Variants in MYBPC1 observed in about 807,000 individuals in gnomAD.
MYBPC1 encodes myosin binding protein C1, also known as myosin-binding protein C, slow-type.
MYBPC1 carries 52 observed loss-of-function variants against 147.1 expected under a neutral mutation model. The ratio of observed to expected loss-of-function variants is 0.35; its 90% CI spans 0.28 to 0.45. The LOEUF is 0.45. Among genes scored for constraint, MYBPC1 ranks in the 20% least tolerant of loss-of-function variants. The pLI, the probability that MYBPC1 is intolerant of heterozygous loss-of-function variation, is 1.00. For missense variants in MYBPC1, 1,228 were observed against 1,440.3 expected (o/e 0.85, Z 2.39); for synonymous variants, 477 against 475.9 (o/e 1.00, Z -0.03).
At chr12:101,618,174 C>T (rs1048831029) in intron 3 of MYBPC1, among the ~76,000 whole-genome samples, 1 of 152,174 alleles carries the variant, frequency 6.6e-6, no homozygotes, top group East Asian at 1.9e-4. Context: ...TATCTAATTT[C>T]TATGATATTC....
rs376605391 is a variant in MYBPC1 at position 101,651,139 on chromosome 12, T to C, written c.1364-92T>C. On this transcript the variant is annotated intron_variant, in intron 15 of 31. Coordinates refer to ENST00000361466, the MANE Select transcript of MYBPC1 (RefSeq NM_002465.4). ...CTTCTCACTTTCAAAACAAACATTG[T>C]AGTAGAGCTCACTATACCATTGTGA... 462 of 1,333,762 alleles carry C rather than the reference T, an allele frequency of 3.5e-4. 5 individuals are homozygous for C. The South Asian group carries it at 5.2e-3, about 15-fold the overall frequency. 82.6% of individuals were successfully genotyped at this position (1,333,762 alleles called of 1,614,324 possible).
At chr12:101,646,660 G>T in intron 12 of MYBPC1, 103 bp from the exon 13 acceptor site, 1 of 1,339,968 alleles carries the variant, frequency 7.5e-7, no homozygotes, top group South Asian at 1.2e-5. Context: ...ACAGATCCTT[G>T]ACTTTCAAAC....
At chr12:101,652,814 T>C in intron 17 of MYBPC1, 30 bp downstream of exon 17, 1 of 1,534,344 alleles carries the variant, frequency 6.5e-7, no homozygotes. Flanking sequence ...CATTGCATAG[T>C]TGTGTTCTTT....
At chr12:101,660,919 C>T (rs1896440115) in intron 19 of MYBPC1, among the ~76,000 whole-genome samples, 1 of 152,142 alleles carries the variant, frequency 6.6e-6, no homozygotes, top group Non-Finnish European at 1.5e-5. Context: ...CCCTGTGATT[C>T]AATTCTCTCC....
At chr12:101,682,749 T>C (rs1951097516) in intron 30 of MYBPC1, 87 bp downstream of exon 30, 1 of 1,293,650 alleles carries the variant, frequency 7.7e-7, no homozygotes, top group Non-Finnish European at 1.1e-6. Flanking sequence ...AAAGCTTGAC[T>C]TTCTCATTTG....
At chr12:101,629,388 A>G in intron 5 of MYBPC1, 46 bp from the exon 6 acceptor site, 1 of 1,323,508 alleles carries the variant, frequency 7.6e-7, no homozygotes, top group Non-Finnish European at 1.1e-6. Context: ...CTGCCTAAGA[A>G]GAGCCTGGCC....
At chr12:101,635,199 C>A (rs567849535) in intron 9 of MYBPC1, among the ~76,000 whole-genome samples, 107 of 152,202 alleles carry the variant, frequency 7.0e-4, no homozygotes, top group African/African-American at 2.4e-3. Context: ...GGGGGGCGGT[C>A]AAGGAAGAAA....
chr12:101,603,801 G>A (rs1327467996), intron 1 of MYBPC1, among the ~76,000 whole-genome samples: 1 of 152,150 alleles, frequency 6.6e-6, no homozygotes, highest in East Asian at 1.9e-4. Context: ...TCTGGATGTG[G>A]TGGTGTACAC....
rs1307538069 is a variant in MYBPC1, at chr12:101,631,516, G to T, written c.290-55G>T. 10 of 1,598,490 alleles carry T rather than the reference G, an allele frequency of 6.3e-6. No homozygotes were observed. The East Asian group carries it at 2.2e-4, about 36-fold the overall frequency. On this transcript the variant is annotated intron_variant, in intron 6 of 31. Transcript: ENST00000361466. ...CCATGTCAACTCCTTCCAGTTGAAA[G>T]CAAAACAAATGACGCTTGTTAAAGA...
rs373809521 is a variant in MYBPC1, at chr12:101,648,094, T to A, written c.1140T>A (p.Cys380Ter). ...TKQLEDTTAYCGERVELECEV... is the reference protein window; with the variant it reads ...TKQLEDTTAY ...AGCTGGAAGATACAACTGCTTATTG[T>A]GGGGAGAGAGTGGAATTAGAATGTG... Residue 380 changes from cysteine (C) to a stop codon, truncating the protein, a stop_gained, in exon 14 of 32, where the codon TGT (cysteine) becomes TGA (stop). Transcript: ENST00000361466. LOFTEE classifies it high-confidence loss of function. 10 of 1,613,150 alleles carry A rather than the reference T, an allele frequency of 6.2e-6. No individual in the cohort carries two copies. Among genetic ancestry groups the A allele is most frequent in the Non-Finnish European group, 8.5e-6 (10 of 1,179,388 alleles).
At chr12:101,611,176 C>T (rs1593654472) in intron 1 of MYBPC1, among the ~76,000 whole-genome samples, 1 of 152,330 alleles carries the variant, frequency 6.6e-6, no homozygotes, top group African/African-American at 2.4e-5. Flanking sequence ...TCCCTGCAAC[C>T]ATCCCACAAC....
At chr12:101,603,719 A>G (rs1881061255) in intron 1 of MYBPC1, among the ~76,000 whole-genome samples, 1 of 152,228 alleles carries the variant, frequency 6.6e-6, no homozygotes, top group Admixed American at 6.5e-5. Flanking sequence ...AGGCCAGAGA[A>G]TTGCTTAAGC....
intron 1 of MYBPC1, among the ~76,000 whole-genome samples, chr12:101,608,686 G>A (rs1273992698): frequency 6.6e-6 from 1 of 152,232 alleles, no homozygotes; most frequent in Non-Finnish European, 1.5e-5. Context: ...GACACAAGTT[G>A]CTTTGCCGTT....
chr12:101,664,427 A>G (rs1252316254), intron 22 of MYBPC1: 2 of 152,200 alleles, frequency 1.3e-5, no homozygotes, highest in Non-Finnish European at 2.9e-5. Context: ...TTCCACAAAC[A>G]GTGGCCCAAG....
At chr12:101,598,862 G>A (rs1195752935) in intron 1 of MYBPC1, among the ~76,000 whole-genome samples, 1 of 151,898 alleles carries the variant, frequency 6.6e-6, no homozygotes, top group Non-Finnish European at 1.5e-5. Context: ...GACTACAGGT[G>A]TGAGCCACTG....
Position 101,677,235 on chromosome 12 carries a change from G to C in MYBPC1, c.2950G>C (p.Glu984Gln). Residue 984 changes from glutamate to glutamine, a missense_variant and splice_region_variant, in exon 27 of 32, where the codon GAA becomes CAA. Physicochemically the swap from Glu to Gln is conservative, Grantham distance 29. Coordinates refer to ENST00000361466, the MANE Select transcript of MYBPC1 (RefSeq NM_002465.4). Reference protein sequence around the residue: ...TIQKADKKSMEWFTVIEHYHR... With the variant: ...TIQKADKKSMQWFTVIEHYHR... ...CAGTTATTATTTTTTTTTCTTTTAGGAATGGTTTACTGTCATTGAGCATTA... is the reference window on the plus strand; with the variant it reads ...CAGTTATTATTTTTTTTTCTTTTAGCAATGGTTTACTGTCATTGAGCATTA... 1 of 1,611,624 alleles carries C rather than the reference G, an allele frequency of 6.2e-7. No individual in the cohort carries two copies. The highest frequency in any genetic ancestry group is 8.5e-7 in the Non-Finnish European group (1 of 1,178,744).
chr12:101,627,457 G>A (rs1156884149), intron 4 of MYBPC1, among the ~76,000 whole-genome samples: 1 of 152,062 alleles, frequency 6.6e-6, no homozygotes, highest in Admixed American at 6.5e-5. Flanking sequence ...TGGCCAGACT[G>A]GTCTCGAACA....
rs748427972 is a variant in MYBPC1, at chr12:101,649,357, A to G, written c.1294A>G (p.Lys432Glu). 5.0e-6 allele frequency: 8 copies of G among 1,614,006 alleles called. No individual in the cohort carries two copies. The East Asian group carries it at 1.8e-4, about 36-fold the overall frequency. The change falls in exon 15 of 32, where the codon AAG becomes GAG. Residue 432 changes from lysine to glutamate, a missense_variant. This residue lies in a region of MYBPC1 where 1,077 missense variants were observed against 1,314.2 expected (regional missense o/e 0.82). Transcript: ENST00000361466. ...CATCTTGATCATAGAGGGAGCAACA[A>G]AGGCTGATGCTGCAGAATATTCAGT... is the stretch of plus-strand genomic sequence containing the variant. The part of the protein sequence containing the change: ...KHILIIEGAT[K>E]ADAAEYSVMT...
rs2136137547 is a variant in MYBPC1 at position 101,638,444 on chromosome 12, C to G, written c.665+1716C>G. 1.3e-5 allele frequency among the ~76,000 whole-genome samples: 2 copies of G among 152,296 alleles called. 1 individual carries two copies. The highest frequency in any genetic ancestry group is 4.1e-4 in the South Asian group (2 of 4,824). ...CCCCTCTGAGACTTGGATTTCACATCTGGAAATGTGAAGAATAAACACTAC... is the reference window on the plus strand; with the variant it reads ...CCCCTCTGAGACTTGGATTTCACATGTGGAAATGTGAAGAATAAACACTAC... On this transcript the variant is annotated intron_variant, in intron 10 of 31. Transcript: ENST00000361466.
Sources: gnomAD v4.1 joint callset for allele counts (sites outside exome capture counted in the v4.1 genomes callset) on GRCh38, gnomAD v4.1.1 for gene constraint, gnomAD v4.1.1 regional missense constraint, MANE v1.5 for transcripts, NCBI Gene and HGNC (gene_info 2026-07-23, HGNC 2026-07-21) for gene names.